VPS13B: variants seen among roughly 807,000 people sequenced by gnomAD.
VPS13B encodes vacuolar protein sorting 13 homolog B, also known as intermembrane lipid transfer protein VPS13B.
In VPS13B, 285 loss-of-function variants were observed where a neutral mutation model predicts 426.4. The observed-to-expected ratio is 0.67, with a 90% CI of 0.61 to 0.74. The LOEUF (loss-of-function observed/expected upper bound fraction) is 0.74. Among genes scored for constraint, VPS13B ranks in the 30% least tolerant of loss-of-function variants. VPS13B has a pLI of 0.00. For synonymous variants in VPS13B, 1,676 were observed against 1,676.4 expected, an observed-to-expected ratio of 1.00 and a Z score of 0.01; for missense variants, 4,537 against 4,782.6, an observed-to-expected ratio of 0.95 and a Z score of 1.51.
chr8:99,023,096 C>T (rs1330335743), intron 2 of VPS13B, among the ~76,000 whole-genome samples: 2 of 151,762 alleles, frequency 1.3e-5, no homozygotes, highest in Non-Finnish European at 2.9e-5. Flanking sequence ...TCAGGTGATT[C>T]TCTTGCCTCA....
At chr8:99,453,278 AC>A (rs1322211569) in intron 23 of VPS13B, among the ~76,000 whole-genome samples, 3 of 152,226 alleles carry the variant, frequency 2.0e-5, no homozygotes, top group Non-Finnish European at 4.4e-5. Context: ...ATGTACTGTT[AC>A]AATTATTTTC....
chr8:99,762,770 A>G (rs1486454529), intron 39 of VPS13B, among the ~76,000 whole-genome samples: 1 of 152,134 alleles, frequency 6.6e-6, no homozygotes, highest in Non-Finnish European at 1.5e-5. Flanking sequence ...CTCATTTAAT[A>G]TTTATGAAAA....
chr8:99,246,421 G>A (rs977678049), intron 17 of VPS13B, among the ~76,000 whole-genome samples: 5 of 152,144 alleles, frequency 3.3e-5, no homozygotes, highest in South Asian at 2.1e-4. Flanking sequence ...TTTTTGATTC[G>A]AATGCAGTAA....
In VPS13B at chr8:99,818,817, A is replaced by G. The variant is rs1052125514; in HGVS notation, c.8550A>G (p.Pro2850=). 1 of 1,614,116 alleles carries G rather than the reference A, an allele frequency of 6.2e-7. No homozygotes were observed. Among genetic ancestry groups the G allele is most frequent in the Admixed American group, 1.7e-5 (1 of 60,010 alleles). The change falls in exon 47 of 62, where the codon CCA becomes CCG. Residue 2850 remains proline (P), a synonymous_variant. Coordinates refer to ENST00000357162, the MANE Select transcript of VPS13B (RefSeq NM_152564.5). ...GATTGAGTGAAACACAAATTATTCC[A>G]GGAAAAGGGCAGGAAAAACCACTGC... The part of the protein sequence containing the change: ...SLGLSETQII[P]GKGQEKPLQN...
chr8:99,117,483 CTT>C (rs1421560550), intron 7 of VPS13B, among the ~76,000 whole-genome samples: 2 of 152,108 alleles, frequency 1.3e-5, no homozygotes, highest in East Asian at 1.9e-4. Context: ...CATGTAAAAA[CTT>C]ATATATGAAA....
chr8:99,238,927 A>G (rs1310387653), intron 17 of VPS13B, among the ~76,000 whole-genome samples: 1 of 152,170 alleles, frequency 6.6e-6, no homozygotes, highest in African/African-American at 2.4e-5. Flanking sequence ...TCCCCTCTCC[A>G]AAAATCTACT....
intron 19 of VPS13B, among the ~76,000 whole-genome samples, chr8:99,366,756 T>TC (rs1246875832): frequency 6.6e-6 from 1 of 152,054 alleles, no homozygotes; most frequent in East Asian, 1.9e-4. Flanking sequence ...TGTGTATCTG[T>TC]TGTATGTTTT....
chr8:99,384,869 AG>A (rs1390788233), intron 20 of VPS13B, among the ~76,000 whole-genome samples: 1 of 152,146 alleles, frequency 6.6e-6, no homozygotes, highest in Non-Finnish European at 1.5e-5. Flanking sequence ...TAGTAGAGAC[AG>A]GGTTTCACCT....
chr8:99,069,168 C>CACTCCTGTA (rs1244335089), intron 3 of VPS13B, among the ~76,000 whole-genome samples: 1 of 152,134 alleles, frequency 6.6e-6, no homozygotes, highest in Non-Finnish European at 1.5e-5. Context: ...TATGGTGGCT[C>CACTCCTGTA]ACTCCTGTAA....
chr8:99,106,434 C>CA (rs71273163), intron 5 of VPS13B, among the ~76,000 whole-genome samples: 61,211 of 83,938 alleles, frequency 0.73, 21,822 homozygotes, highest in South Asian at 0.82. Context: ...GACTCCACCT[C>CA]AAAAAAAAAA....
intron 14 of VPS13B, among the ~76,000 whole-genome samples, 200 bp from the exon 15 acceptor site, chr8:99,156,349 T>A (rs1385092443): frequency 1.3e-5 from 2 of 152,218 alleles, no homozygotes; most frequent in Non-Finnish European, 2.9e-5. Context: ...ATATGCATTC[T>A]TTGAAGTCTG....
rs1267898287 is a variant in VPS13B at position 99,380,233 on chromosome 8, T to A, written c.2825-3975T>A. Among the ~76,000 whole-genome samples the A allele has an allele frequency of 2.0e-5, 3 of 152,216 alleles. No homozygotes were observed. In the East Asian group the frequency reaches 5.8e-4, roughly 29 times the overall value. On this transcript the variant is annotated intron_variant, in intron 19 of 61. Coordinates refer to ENST00000357162, the MANE Select transcript of VPS13B (RefSeq NM_152564.5). ...ATCATATTGGGAAAGTCCTATTTAT[T>A]TCTCTTAATATAGTATTTTTATACC... is the stretch of plus-strand genomic sequence containing the variant.
chr8:99,156,581 C>A lies in VPS13B; in HGVS notation c.2046C>A (p.Phe682Leu). Reference protein sequence around the residue: ...NSSNFMNTTNFQSLRPLPSIR... With the variant: ...NSSNFMNTTNLQSLRPLPSIR... ...GTAACTTCATGAATACTACAAACTT[C>A]CAGTCTCTTCGGCCTTTGCCATCCA... is the stretch of plus-strand genomic sequence containing the variant. The change falls in exon 15 of 62, where the codon TTC becomes TTA. Residue 682 changes from phenylalanine (F) to leucine (L), a missense_variant. Physicochemically the swap from Phe to Leu is conservative, Grantham distance 22 (BLOSUM62 0). Around this residue, in one of 2 missense-constraint regions of VPS13B, gnomAD observed 4,311 missense variants for 4,474.3 expected, o/e 0.96. Transcript: ENST00000357162. 6.2e-7 allele frequency: 1 copy of A among 1,614,046 alleles called. No homozygotes were observed. Among genetic ancestry groups the A allele is most frequent in the Non-Finnish European group, 8.5e-7 (1 of 1,179,918 alleles).
chr8:99,447,971 C>G (rs1208194451), intron 23 of VPS13B, among the ~76,000 whole-genome samples: 1 of 151,658 alleles, frequency 6.6e-6, no homozygotes, highest in Non-Finnish European at 1.5e-5. Context: ...TTCTACAAAA[C>G]TCCTGCCAAC....
At chr8:99,381,330 T>C (rs1028029648) in intron 19 of VPS13B, among the ~76,000 whole-genome samples, 2 of 152,168 alleles carry the variant, frequency 1.3e-5, no homozygotes, top group Non-Finnish European at 2.9e-5. Context: ...GTTGATTCCA[T>C]GTCTTTGCTA....
chr8:99,840,277 C>T (rs1271654872), intron 54 of VPS13B, among the ~76,000 whole-genome samples: 1 of 152,226 alleles, frequency 6.6e-6, no homozygotes, highest in Non-Finnish European at 1.5e-5. Context: ...TCCCCCAGGT[C>T]TTTATCATAT....
intron 28 of VPS13B, chr8:99,507,687 A>G: frequency 6.3e-7 from 1 of 1,588,550 alleles, no homozygotes; most frequent in African/African-American, 1.3e-5. Context: ...AGGAGAATTT[A>G]AAACTATCCA....
At chr8:99,397,831 A>G (rs1814818737) in intron 21 of VPS13B, among the ~76,000 whole-genome samples, 4 of 152,118 alleles carry the variant, frequency 2.6e-5, no homozygotes, top group South Asian at 4.1e-4. Context: ...TGTACACCCC[A>G]TTTTGTTTAT....
intron 43 of VPS13B, chr8:99,799,216 C>A (rs1431611561): frequency 6.6e-6 from 1 of 152,212 alleles, no homozygotes; most frequent in Non-Finnish European, 1.5e-5. Context: ...AAAATTATTT[C>A]ATTTCTCATG....
Sources: gnomAD v4.1 joint callset for allele counts (sites outside exome capture counted in the v4.1 genomes callset) on GRCh38, gnomAD v4.1.1 for gene constraint, gnomAD v4.1.1 regional missense constraint, MANE v1.5 for transcripts, NCBI Gene and HGNC (gene_info 2026-07-23, HGNC 2026-07-21) for gene names.